Variants in RNF2 observed in about 807,000 individuals in gnomAD.
RNF2 encodes E3 ubiquitin-protein ligase RING2.
A neutral mutation model predicts 37.2 loss-of-function variants in RNF2; 6 were observed. The observed-to-expected ratio is 0.16, with a 90% CI of 0.09 to 0.32. The LOEUF (loss-of-function observed/expected upper bound fraction) is 0.32. RNF2 is among the 10% of genes least tolerant of loss of function. The pLI, the probability that RNF2 is intolerant of heterozygous loss-of-function variation, is 1.00. For synonymous variants in RNF2, 133 were observed against 132.7 expected (o/e 1.00, Z -0.02); for missense variants, 251 against 404.0 (o/e 0.62, Z 3.25).
intron 1 of RNF2, chr1:185,072,170 T>C (rs1650996150): frequency 6.6e-6 from 1 of 152,328 alleles, no homozygotes; most frequent in South Asian, 2.1e-4. Context: ...AGGTGCTGGC[T>C]AGGGTGGGGG....
In RNF2 at chr1:185,045,596, C is replaced by G. The variant is rs903901147; in HGVS notation, c.-56C>G. 2 of 152,378 alleles carry G rather than the reference C, an allele frequency of 1.3e-5. No homozygotes were observed. Among genetic ancestry groups the G allele is most frequent in the Admixed American group, 1.3e-4 (2 of 15,280 alleles). The allele number at this position is 152,378 out of a possible 1,614,324, so 9.4% of individuals were successfully genotyped here. On this transcript the variant is annotated 5_prime_UTR_variant, in exon 1 of 7. Coordinates refer to ENST00000367510, the MANE Select transcript of RNF2 (RefSeq NM_007212.4). ...GCGCCGGCGTCCGCGGCAGCTGATACCAGAGTCTTGCTCCGGCCGCGGCCA... is the reference window on the plus strand; with the variant it reads ...GCGCCGGCGTCCGCGGCAGCTGATAGCAGAGTCTTGCTCCGGCCGCGGCCA...
At chr1:185,079,474 C>CTTTGGA (rs1204078161) in intron 1 of RNF2, among the ~76,000 whole-genome samples, 1 of 152,170 alleles carries the variant, frequency 6.6e-6, no homozygotes, top group Non-Finnish European at 1.5e-5. Context: ...CTGTTTTAAC[C>CTTTGGA]TTTTAAAGGA....
At chr1:185,067,548 C>G (rs1650832905) in intron 1 of RNF2, among the ~76,000 whole-genome samples, 1 of 151,804 alleles carries the variant, frequency 6.6e-6, no homozygotes, top group Admixed American at 6.6e-5. Context: ...TTACTGTGTT[C>G]AGAAGGGACA....
At chr1:185,097,827 G>A (rs1651955643) in intron 4 of RNF2, among the ~76,000 whole-genome samples, 1 of 152,204 alleles carries the variant, frequency 6.6e-6, no homozygotes, top group Non-Finnish European at 1.5e-5. Context: ...GAACCACCGT[G>A]CCTGGCCAGT....
chr1:185,070,871 C>G (rs1475834229), intron 1 of RNF2, among the ~76,000 whole-genome samples: 1 of 151,992 alleles, frequency 6.6e-6, no homozygotes, highest in Non-Finnish European at 1.5e-5. Flanking sequence ...TTCCTGACCT[C>G]GTGATCCGCC....
At chr1:185,093,384 G>GCACGAAAGGTAAT in intron 4 of RNF2, 108 bp downstream of exon 4, 1 of 943,388 alleles carries the variant, frequency 1.1e-6, no homozygotes, top group Non-Finnish European at 1.6e-6. Context: ...TAGTAGTACT[G>GCACGAAAGGTAAT]CATGATTACC....
chr1:185,052,283 C>T (rs1166190316), intron 1 of RNF2, among the ~76,000 whole-genome samples: 12 of 152,122 alleles, frequency 7.9e-5, no homozygotes, highest in Non-Finnish European at 1.3e-4. Context: ...TTCCTGGCAC[C>T]GCTATTCATG....
At chr1:185,069,293 A>C (rs893307784) in intron 1 of RNF2, among the ~76,000 whole-genome samples, 1 of 152,026 alleles carries the variant, frequency 6.6e-6, no homozygotes, top group Non-Finnish European at 1.5e-5. Flanking sequence ...TCTCTACAAA[A>C]AATACACACA....
At chr1:185,074,301 G>A (rs957487933) in intron 1 of RNF2, among the ~76,000 whole-genome samples, 2 of 152,088 alleles carry the variant, frequency 1.3e-5, no homozygotes, top group African/African-American at 2.4e-5. Context: ...ATTGGCCATT[G>A]GGAATTAGCT....
chr1:185,098,429 G>A lies in RNF2; in HGVS notation c.737+85G>A, dbSNP rs370247186. ...AGGCAGTCTTGTATAAGAAGTAGGAGCAATATTTGTCATCCCATTGATTGC... is the reference window on the plus strand; with the variant it reads ...AGGCAGTCTTGTATAAGAAGTAGGAACAATATTTGTCATCCCATTGATTGC... On this transcript the variant is annotated intron_variant, in intron 5 of 6. Transcript: ENST00000367510. The A allele has an allele frequency of 5.1e-5, 75 of 1,459,192 alleles. No homozygotes were observed. The African/African-American group carries it at 9.4e-4, about 18-fold the overall frequency. 90.4% of individuals were successfully genotyped at this position (1,459,192 alleles called of 1,614,324 possible). A position where few individuals can be genotyped will look rare whatever the true frequency, so the allele number is the denominator to read the frequency against.
chr1:185,076,268 G>GTTGTTTTTTTTTTTTTTTTT (rs1651152431), intron 1 of RNF2, among the ~76,000 whole-genome samples: 1 of 27,334 alleles, frequency 3.7e-5, no homozygotes, highest in African/African-American at 1.3e-4. Flanking sequence ...TTTATGGGTT[G>GTTGTTTTTTTTTTTTTTTTT]TTTTTTTTTT....
chr1:185,054,977 G>A (rs2102154259), intron 1 of RNF2, among the ~76,000 whole-genome samples: 1 of 152,342 alleles, frequency 6.6e-6, no homozygotes, highest in Non-Finnish European at 1.5e-5. Flanking sequence ...TAGGATTACA[G>A]GCATGAGCCA....
chr1:185,068,199 G>A (rs1650858295), intron 1 of RNF2, among the ~76,000 whole-genome samples: 1 of 152,154 alleles, frequency 6.6e-6, no homozygotes, highest in Non-Finnish European at 1.5e-5. Flanking sequence ...CAGCATGTAT[G>A]CAGGATAAAG....
intron 1 of RNF2, among the ~76,000 whole-genome samples, chr1:185,069,269 A>G (rs1000654729): frequency 6.6e-6 from 1 of 152,074 alleles, no homozygotes; most frequent in Non-Finnish European, 1.5e-5. Context: ...TCTGGGGAAC[A>G]TGGTGAAACC....
chr1:185,084,807 A>C (rs916920993), intron 1 of RNF2, among the ~76,000 whole-genome samples: 1 of 151,986 alleles, frequency 6.6e-6, no homozygotes, highest in South Asian at 2.1e-4. Flanking sequence ...TTTCACTTTG[A>C]TTCACAAGAG....
At chr1:185,094,458 T>G (rs1651856378) in intron 4 of RNF2, among the ~76,000 whole-genome samples, 1 of 151,892 alleles carries the variant, frequency 6.6e-6, no homozygotes, top group South Asian at 2.1e-4. Flanking sequence ...CGCTTTTAAA[T>G]CTCTTTTACA....
chr1:185,089,090 G>A (rs1392635023), intron 2 of RNF2, among the ~76,000 whole-genome samples: 5 of 152,144 alleles, frequency 3.3e-5, no homozygotes, highest in African/African-American at 1.2e-4. Context: ...GGATGAAACT[G>A]CACCACCTCA....
At chr1:185,046,494 TG>T in intron 1 of RNF2, among the ~76,000 whole-genome samples, 1 of 152,194 alleles carries the variant, frequency 6.6e-6, no homozygotes, top group East Asian at 1.9e-4. Flanking sequence ...TAGTAAAAAT[TG>T]ATCTCAAACT....
At chr1:185,053,104 G>T (rs183624371) in intron 1 of RNF2, among the ~76,000 whole-genome samples, 1 of 152,188 alleles carries the variant, frequency 6.6e-6, no homozygotes, top group East Asian at 1.9e-4. Context: ...GGCAAGTCAG[G>T]CTCTAGACAT....
Sources: allele counts gnomAD v4.1 joint callset (sites outside exome capture counted in the v4.1 genomes callset), GRCh38; gene constraint gnomAD v4.1.1; transcripts MANE v1.5; gene names NCBI Gene and HGNC (gene_info 2026-07-23, HGNC 2026-07-21).